TRAIP: variants seen among roughly 807,000 people sequenced by gnomAD.
TRAIP encodes E3 ubiquitin-protein ligase TRAIP.
Under a neutral mutation model 65.0 loss-of-function variants are expected in TRAIP, and 37 were observed. The observed-to-expected ratio is 0.57, with a 90% confidence interval of 0.44 to 0.75. The LOEUF (loss-of-function observed/expected upper bound fraction) is 0.75. Ranked by LOEUF, TRAIP falls within the 30% of genes least tolerant of loss-of-function variation. TRAIP has a pLI of 0.00. For synonymous variants in TRAIP, 187 were observed against 219.1 expected (o/e 0.85, Z 1.29); for missense variants, 481 against 579.4 (o/e 0.83, Z 1.74).
At chr3:49,842,331 G>T in intron 6 of TRAIP, 122 bp downstream of exon 6, 3 of 932,344 alleles carry the variant, frequency 3.2e-6, no homozygotes, top group African/African-American at 1.6e-5. Context: ...AGCCCTCCAT[G>T]GCCTATGGAG....
At position 49,843,856 on chromosome 3, in the gene TRAIP, A is replaced by ACAGTAG. The variant is rs745519137; in HGVS notation, c.347_352dup (p.Ala116_Thr117dup). On this transcript the variant is annotated inframe_insertion, in exon 5 of 15. Transcript: ENST00000331456. ...GCCCAAGGCCTGCTGCAGAGATACC[A>ACAGTAG]CAGTAGCATTGCGTTCTTCCAGCGT... 6.2e-7 allele frequency: 1 copy of ACAGTAG among 1,613,964 alleles called. No homozygotes were observed. Among genetic ancestry groups the ACAGTAG allele is most frequent in the Non-Finnish European group, 8.5e-7 (1 of 1,179,838 alleles).
intron 4 of TRAIP, 85 bp downstream of exon 4, chr3:49,844,456 G>T: frequency 5.4e-6 from 8 of 1,490,258 alleles, no homozygotes; most frequent in Middle Eastern, 2.1e-4. Context: ...TCTCCCAAAC[G>T]GTTTGAAACC....
At chr3:49,830,516 C>G (rs2081722218) in intron 11 of TRAIP, among the ~76,000 whole-genome samples, 1 of 152,190 alleles carries the variant, frequency 6.6e-6, no homozygotes, top group South Asian at 2.1e-4. Flanking sequence ...TCCACGAGAG[C>G]CTCAGTAAGT....
intron 1 of TRAIP, among the ~76,000 whole-genome samples, chr3:49,850,650 ATTT>A (rs869237477): frequency 2.2e-5 from 2 of 90,682 alleles, no homozygotes; most frequent in Non-Finnish European, 2.1e-5. Flanking sequence ...AATAGTCTGC[ATTT>A]TTTTTTTTTT....
At chr3:49,838,046 T>C (rs1434835061) in intron 10 of TRAIP, among the ~76,000 whole-genome samples, 1 of 151,986 alleles carries the variant, frequency 6.6e-6, no homozygotes, top group African/African-American at 2.4e-5. Flanking sequence ...AAGTTTTAAG[T>C]TTTTTGATAC....
intron 4 of TRAIP, 42 bp from the exon 5 acceptor site, chr3:49,843,970 C>T: frequency 6.4e-7 from 1 of 1,573,584 alleles, no homozygotes; most frequent in South Asian, 1.1e-5. Flanking sequence ...AAAGGCCTGT[C>T]CATCCATCAG....
Position 49,829,205 on chromosome 3 carries a change from G to A in TRAIP, c.1308C>T (p.Arg436=). ...FIQPTDTVMI[R]PLPVKPKTKV... ...TGGTCTTGGGCTTAACAGGCAATGG[G>A]CGGATCATGACTGTGTCAGTCTGGA... Residue 436 remains arginine (R), a synonymous_variant, in exon 15 of 15, where the codon CGC becomes CGT. Coordinates refer to ENST00000331456, the MANE Select transcript of TRAIP (RefSeq NM_005879.3). 6.2e-7 allele frequency: 1 copy of A among 1,614,226 alleles called. No homozygotes were observed.
At position 49,829,521 on chromosome 3, in the gene TRAIP, G is replaced by A. The variant is rs376991989; in HGVS notation, c.1237-13C>T. On this transcript the variant is annotated splice_polypyrimidine_tract_variant and intron_variant, in intron 13 of 14. Transcript: ENST00000331456. Reference sequence around the variant, plus strand: ...AGCCTGTCCTTACCTAGGGTGGAAGGAAGAGATGAGTGGGCCAGGCTAATG... The same window carrying A: ...AGCCTGTCCTTACCTAGGGTGGAAGAAAGAGATGAGTGGGCCAGGCTAATG... 2 of 1,614,088 alleles carry A rather than the reference G, an allele frequency of 1.2e-6. No individual in the cohort carries two copies. The highest frequency in any genetic ancestry group is 1.7e-6 in the Non-Finnish European group (2 of 1,180,044).
chr3:49,829,098 T>C lies in TRAIP; in HGVS notation c.*5A>G, dbSNP rs1405268467. On this transcript the variant is annotated 3_prime_UTR_variant, in exon 15 of 15. Coordinates refer to ENST00000331456, the MANE Select transcript of TRAIP (RefSeq NM_005879.3). ...GTGTCTGGCCATTGGTCAGACTCAC[T>C]GTTCTCACGACCACAGGAAGGTGTC... The C allele has an allele frequency of 6.2e-7, 1 of 1,614,112 alleles. No individual in the cohort carries two copies. The highest frequency in any genetic ancestry group is 8.5e-7 in the Non-Finnish European group (1 of 1,180,038).
chr3:49,848,543 T>A (rs1173137745), intron 1 of TRAIP, among the ~76,000 whole-genome samples: 2 of 151,940 alleles, frequency 1.3e-5, no homozygotes, highest in Non-Finnish European at 2.9e-5. Flanking sequence ...TAAGCTGGAA[T>A]CCCAAAGACT....
Position 49,841,072 on chromosome 3 carries a change from T to C in TRAIP, c.618A>G (p.Lys206=). 6.2e-7 allele frequency: 1 copy of C among 1,614,024 alleles called. No individual in the cohort carries two copies. The highest frequency in any genetic ancestry group is 8.5e-7 in the Non-Finnish European group (1 of 1,179,894). ...GTGCCTCTTTTAGATTCTCGTACTC[T>C]CTGCAATGTGGCCATGGAAAGAGAT... is the stretch of plus-strand genomic sequence containing the variant. ...QLAVYCVSLK[K]EYENLKEARK... Residue 206 remains lysine, a splice_region_variant and synonymous_variant, in exon 8 of 15, where the codon AAA becomes AAG. Coordinates refer to ENST00000331456, the MANE Select transcript of TRAIP (RefSeq NM_005879.3).
chr3:49,829,510 T>G lies in TRAIP; in HGVS notation c.1237-2A>C. 6.2e-7 allele frequency: 1 copy of G among 1,614,042 alleles called. No individual in the cohort carries two copies. The highest frequency in any genetic ancestry group is 1.1e-5 in the South Asian group (1 of 91,082). ...GAGCCCATCGAAGCCTGTCCTTACCTAGGGTGGAAGGAAGAGATGAGTGGG... is the reference window on the plus strand; with the variant it reads ...GAGCCCATCGAAGCCTGTCCTTACCGAGGGTGGAAGGAAGAGATGAGTGGG... On this transcript the variant is annotated splice_acceptor_variant, in intron 13 of 14. Coordinates refer to ENST00000331456, the MANE Select transcript of TRAIP (RefSeq NM_005879.3). LOFTEE classifies it high-confidence loss of function.
chr3:49,848,400 CT>C (rs2081903534), intron 1 of TRAIP, among the ~76,000 whole-genome samples, 200 bp from the exon 2 acceptor site: 2 of 152,234 alleles, frequency 1.3e-5, no homozygotes, highest in South Asian at 4.1e-4. Flanking sequence ...CCAGCTGGCC[CT>C]TTTTTTGGCC....
chr3:49,829,816 G>A, intron 12 of TRAIP, 50 bp from the exon 13 acceptor site: 1 of 1,610,006 alleles, frequency 6.2e-7, no homozygotes, highest in Non-Finnish European at 8.5e-7. Context: ...TGTCAGCAAA[G>A]GAGGGAGGGT....
chr3:49,830,665 G>A (rs2081723233), intron 11 of TRAIP, among the ~76,000 whole-genome samples: 1 of 152,186 alleles, frequency 6.6e-6, no homozygotes, highest in Non-Finnish European at 1.5e-5. Flanking sequence ...CAGCCCCAGA[G>A]CCAGAAACTG....
rs1197708273 is a variant in TRAIP at position 49,843,944 on chromosome 3, AGG to A, written c.281-18_281-17del. On this transcript the variant is annotated splice_polypyrimidine_tract_variant and intron_variant, in intron 4 of 14. Coordinates refer to ENST00000331456, the MANE Select transcript of TRAIP (RefSeq NM_005879.3). ...TTCTCCTTGTCTGGAGCAGGGGTAGAGGGCGGAGGAAAGGGAAAGGCCTGTCC... is the reference window on the plus strand; with the variant it reads ...TTCTCCTTGTCTGGAGCAGGGGTAGAGCGGAGGAAAGGGAAAGGCCTGTCC... 2.5e-6 allele frequency: 4 copies of A among 1,595,622 alleles called. No homozygotes were observed. The highest frequency in any genetic ancestry group is 1.3e-5 in the African/African-American group (1 of 74,610).
chr3:49,841,749 A>G, intron 7 of TRAIP, 77 bp downstream of exon 7: 1 of 1,155,326 alleles, frequency 8.7e-7, no homozygotes, highest in Non-Finnish European at 1.3e-6. Flanking sequence ...CTGCTTTACA[A>G]GAGATGGGGA....
At chr3:49,855,759 TCCAAA>T (rs1221567546) in intron 1 of TRAIP, among the ~76,000 whole-genome samples, 1 of 152,018 alleles carries the variant, frequency 6.6e-6, no homozygotes, top group African/African-American at 2.4e-5. Context: ...TGCTAGGAGG[TCCAAA>T]CCGGCCTGTC....
At chr3:49,854,613 T>C (rs1292586639) in intron 1 of TRAIP, among the ~76,000 whole-genome samples, 2 of 152,004 alleles carry the variant, frequency 1.3e-5, no homozygotes, top group African/African-American at 2.4e-5. Context: ...AAGGAGACAA[T>C]AAGATATAAT....
Sources: gnomAD v4.1 joint callset for allele counts (sites outside exome capture counted in the v4.1 genomes callset) on GRCh38, gnomAD v4.1.1 for gene constraint, MANE v1.5 for transcripts, NCBI Gene and HGNC (gene_info 2026-07-23, HGNC 2026-07-21) for gene names.